DLGAP1: variants seen among roughly 807,000 people sequenced by gnomAD.
DLGAP1 encodes the protein disks large-associated protein 1.
Under a neutral mutation model 90.8 loss-of-function variants are expected in DLGAP1, and 11 were observed. That is an observed-to-expected ratio of 0.12 (90% CI 0.08 to 0.20). DLGAP1 has a LOEUF of 0.20. Ranked by LOEUF, DLGAP1 falls within the 10% of genes least tolerant of loss-of-function variation. The probability of loss-of-function intolerance (pLI) is 1.00; values close to 1 mark genes in which losing one functional copy is unlikely to be tolerated. For missense variants in DLGAP1, 1,050 were observed against 1,333.8 expected (o/e 0.79, Z 3.31); for synonymous variants, 558 against 540.7 (o/e 1.03, Z -0.44).
chr18:4,147,192 G>A (rs1239548227), intron 2 of DLGAP1, among the ~76,000 whole-genome samples: 1 of 152,150 alleles, frequency 6.6e-6, no homozygotes, highest in African/African-American at 2.4e-5. Context: ...CATTTGCAAA[G>A]GAATTTATTA....
At position 4,116,455 on chromosome 18, in the gene DLGAP1, T is replaced by C. The variant is rs992953094; in HGVS notation, c.-159+34725A>G. Among the ~76,000 whole-genome samples the C allele has an allele frequency of 5.3e-5, 8 of 152,156 alleles. No individual in the cohort carries two copies. The East Asian group carries it at 1.5e-3, about 29-fold the overall frequency. On this transcript the variant is annotated intron_variant, in intron 2 of 12. Coordinates refer to ENST00000315677, the MANE Select transcript of DLGAP1 (RefSeq NM_004746.4). ...TTTTTTCTGCTCCTTTCTCTTTCTC[T>C]TCTCCTTCTGGCACTTCTATTATGC...
At chr18:4,305,226 T>C (rs1029373510) in intron 1 of DLGAP1, among the ~76,000 whole-genome samples, 1 of 151,370 alleles carries the variant, frequency 6.6e-6, no homozygotes, top group African/African-American at 2.4e-5. Context: ...ATGATGACAA[T>C]GAGAATGAAC....
At chr18:3,962,933 T>C (rs1301013870) in intron 3 of DLGAP1, among the ~76,000 whole-genome samples, 1 of 152,186 alleles carries the variant, frequency 6.6e-6, no homozygotes, top group African/African-American at 2.4e-5. Context: ...GATTTGATGC[T>C]TCTTGTAGGT....
chr18:3,669,001 A>T (rs747734253), intron 7 of DLGAP1, among the ~76,000 whole-genome samples: 67 of 152,160 alleles, frequency 4.4e-4, no homozygotes, highest in Non-Finnish European at 6.0e-4. Flanking sequence ...ATAAATAAAT[A>T]AATTAAAAAG....
intron 1 of DLGAP1, among the ~76,000 whole-genome samples, chr18:4,313,758 T>TAG (rs2080457844): frequency 6.6e-6 from 1 of 152,190 alleles, no homozygotes; most frequent in South Asian, 2.1e-4. Context: ...GATAACAAGT[T>TAG]GAACTTCACT....
intron 1 of DLGAP1, among the ~76,000 whole-genome samples, chr18:4,343,491 G>C (rs1374401986): frequency 6.6e-6 from 1 of 152,056 alleles, no homozygotes; most frequent in East Asian, 1.9e-4. Context: ...GCAGTTTAAA[G>C]TTATAAATAA....
At chr18:3,812,171 C>T (rs1187010468) in intron 5 of DLGAP1, among the ~76,000 whole-genome samples, 1 of 152,142 alleles carries the variant, frequency 6.6e-6, no homozygotes, top group Non-Finnish European at 1.5e-5. Flanking sequence ...GCCATGACTA[C>T]CTAACATTGT....
chr18:4,290,710 AC>A (rs1367859584), intron 1 of DLGAP1, among the ~76,000 whole-genome samples: 1 of 152,212 alleles, frequency 6.6e-6, no homozygotes, highest in Non-Finnish European at 1.5e-5. Flanking sequence ...GTCAATGATT[AC>A]TCAGATTTTT....
intron 7 of DLGAP1, among the ~76,000 whole-genome samples, chr18:3,682,127 A>T (rs1358730778): frequency 1.5e-4 from 17 of 113,774 alleles, no homozygotes; most frequent in East Asian, 4.3e-4. Context: ...AAAAAAAAAA[A>T]AAATAAAAAA....
chr18:3,923,172 CACTA>C (rs1483546983), intron 3 of DLGAP1, among the ~76,000 whole-genome samples: 1 of 148,984 alleles, frequency 6.7e-6, no homozygotes, highest in Non-Finnish European at 1.5e-5. Flanking sequence ...ATTTTGCTCC[CACTA>C]ACAGTGTTCA....
intron 2 of DLGAP1, among the ~76,000 whole-genome samples, chr18:4,026,737 A>G (rs1398275356): frequency 6.6e-6 from 1 of 152,250 alleles, no homozygotes; most frequent in East Asian, 1.9e-4. Context: ...GCTATGAAAT[A>G]GTCTATTCAG....
intron 7 of DLGAP1, among the ~76,000 whole-genome samples, chr18:3,720,517 A>G (rs1174806934): frequency 6.6e-6 from 1 of 152,174 alleles, no homozygotes; most frequent in African/African-American, 2.4e-5. Flanking sequence ...AAAACTTGAC[A>G]GAAAGTCAGT....
At chr18:4,339,733 T>C (rs1002632219) in intron 1 of DLGAP1, among the ~76,000 whole-genome samples, 1 of 152,178 alleles carries the variant, frequency 6.6e-6, no homozygotes, top group Non-Finnish European at 1.5e-5. Flanking sequence ...TTATCCAAGA[T>C]GGATTTAATA....
At chr18:4,421,648 T>C (rs1363494009) in intron 1 of DLGAP1, among the ~76,000 whole-genome samples, 1 of 152,144 alleles carries the variant, frequency 6.6e-6, no homozygotes, top group Non-Finnish European at 1.5e-5. Context: ...AGAGAACATT[T>C]GGCAAAGTCA....
intron 7 of DLGAP1, among the ~76,000 whole-genome samples, chr18:3,675,693 C>T (rs1421640280): frequency 6.6e-6 from 1 of 152,228 alleles, no homozygotes; most frequent in East Asian, 1.9e-4. Context: ...ATCTGACCCA[C>T]TCCATAATGT....
In DLGAP1 at chr18:4,131,067, G is replaced by C. The variant is rs532259252; in HGVS notation, c.-159+20113C>G. Among the ~76,000 whole-genome samples the C allele has an allele frequency of 3.3e-5, 5 of 152,092 alleles. No homozygotes were observed. The East Asian group carries it at 9.7e-4, about 29-fold the overall frequency. ...TTATGATCACAAACAGCATTACAGT[G>C]TCTTTTTTTTCAGAAATATATTATG... On this transcript the variant is annotated intron_variant, in intron 2 of 12. Transcript: ENST00000315677.
chr18:4,227,721 C>T (rs1414634282), intron 1 of DLGAP1, among the ~76,000 whole-genome samples: 1 of 150,802 alleles, frequency 6.6e-6, no homozygotes, highest in East Asian at 1.9e-4. Flanking sequence ...CATTTTGTAA[C>T]TATAAGCGCC....
intron 11 of DLGAP1, among the ~76,000 whole-genome samples, chr18:3,504,668 C>A (rs1405258725): frequency 6.6e-6 from 1 of 152,166 alleles, no homozygotes; most frequent in African/African-American, 2.4e-5. Context: ...CAGGTACAAG[C>A]CACTTCGCCC....
chr18:3,712,042 G>A (rs2061612529), intron 7 of DLGAP1, among the ~76,000 whole-genome samples: 1 of 152,172 alleles, frequency 6.6e-6, no homozygotes, highest in Admixed American at 6.5e-5. Context: ...CCCCGGTGGG[G>A]TGGCATGGGG....
Sources: gnomAD v4.1 joint callset for allele counts (sites outside exome capture counted in the v4.1 genomes callset) on GRCh38, gnomAD v4.1.1 for gene constraint, MANE v1.5 for transcripts, NCBI Gene and HGNC (gene_info 2026-07-23, HGNC 2026-07-21) for gene names.